The following MCM3AP variants were observed in gnomAD, a reference collection of about 807,000 sequenced individuals.
MCM3AP encodes minichromosome maintenance complex component 3 associated protein, also known as germinal-center associated nuclear protein.
A neutral mutation model predicts 184.1 loss-of-function variants in MCM3AP; 126 were observed. The observed-to-expected ratio is 0.68, with a 90% CI of 0.59 to 0.79. MCM3AP has a LOEUF of 0.79. MCM3AP is among the 30% of genes least tolerant of loss of function. The probability of loss-of-function intolerance (pLI) is 0.00; values close to 1 mark genes in which losing one functional copy is unlikely to be tolerated. For synonymous variants in MCM3AP, 1,002 were observed against 979.3 expected (o/e 1.02, Z -0.43); for missense variants, 2,496 against 2,479.2 (o/e 1.01, Z -0.14).
intron 2 of MCM3AP, among the ~76,000 whole-genome samples, chr21:46,282,722 G>A (rs930876773): frequency 2.6e-5 from 4 of 151,590 alleles, no homozygotes; most frequent in Non-Finnish European, 4.4e-5. Flanking sequence ...GGAGAATGGC[G>A]TGAACCCGGG....
Position 46,285,007 on chromosome 21 carries a change from CAAA to C in MCM3AP, c.277_279del (p.Phe93del). 2 of 1,614,164 alleles carry C rather than the reference CAAA, an allele frequency of 1.2e-6. No homozygotes were observed. On this transcript the variant is annotated inframe_deletion, in exon 1 of 28. Coordinates refer to ENST00000291688, the MANE Select transcript of MCM3AP (RefSeq NM_003906.5). ...GAACTTGAAGGCCCAGAGGTAGCCA[CAAA>C]GGTGGAAGTGTGCTCAAGTCCAGAA...
Position 46,264,171 on chromosome 21 carries a change from C to CTCT in MCM3AP, c.3278_3280dup (p.Gln1093_Arg1094insLys). ...CGCAGAGCCAACTTCCTCACAGTCC[C>CTCT]TCTGCAGGGCCTCCTGGATGAGCTC... On this transcript the variant is annotated inframe_insertion, in exon 13 of 28. Coordinates refer to ENST00000291688, the MANE Select transcript of MCM3AP (RefSeq NM_003906.5). 3 of 1,613,910 alleles carry CTCT rather than the reference C, an allele frequency of 1.9e-6. No homozygotes were observed. Among genetic ancestry groups the CTCT allele is most frequent in the Non-Finnish European group, 2.5e-6 (3 of 1,179,948 alleles).
rs1243219647 is a variant in MCM3AP at position 46,285,432 on chromosome 21, T to C, written c.-146A>G. The C allele has an allele frequency of 1.6e-6, 1 of 624,896 alleles. No individual in the cohort carries two copies. The highest frequency in any genetic ancestry group is 1.8e-5 in the African/African-American group (1 of 54,462). The allele number at this position is 624,896 out of a possible 1,614,324, so 38.7% of individuals were successfully genotyped here. A position where few individuals can be genotyped will look rare whatever the true frequency, so the allele number is the denominator to read the frequency against. ...AATTCAGATCATCATAGCTATGTTC[T>C]GCTACAAGTCTAAGAAAAGAATTTT... On this transcript the variant is annotated 5_prime_UTR_variant, in exon 1 of 28. Transcript: ENST00000291688.
chr21:46,265,460 G>A lies in MCM3AP; in HGVS notation c.3095C>T (p.Ser1032Phe), dbSNP rs1381721097. The A allele has an allele frequency of 2.5e-6, 4 of 1,613,680 alleles. No homozygotes were observed. The highest frequency in any genetic ancestry group is 2.7e-5 in the African/African-American group (2 of 74,900). The change falls in exon 12 of 28, where the codon TCT becomes TTT. Residue 1032 changes from serine to phenylalanine, a missense_variant. Ser to Phe is a radical substitution (Grantham distance 155, BLOSUM62 -2). Transcript: ENST00000291688. ...PDAPLSSLPQ[S>F]LPAPAPSPVP... ...TGGTGAGGGCGCAGGGGCTGGTAGAGACTGTGGGAGACTGGACAGGGGTGC... is the reference window on the plus strand; with the variant it reads ...TGGTGAGGGCGCAGGGGCTGGTAGAAACTGTGGGAGACTGGACAGGGGTGC...
In MCM3AP at chr21:46,284,663, G is replaced by T. The variant is rs781202659; in HGVS notation, c.624C>A (p.Thr208=). 19 of 1,614,116 alleles carry T rather than the reference G, an allele frequency of 1.2e-5. No individual in the cohort carries two copies. The highest frequency in any genetic ancestry group is 1.6e-5 in the Non-Finnish European group (19 of 1,180,008). Residue 208 remains threonine, a synonymous_variant, in exon 1 of 28, where the codon ACC becomes ACA. Coordinates refer to ENST00000291688, the MANE Select transcript of MCM3AP (RefSeq NM_003906.5). ...TATTACTACTAACAGGTTTTGAAAA[G>T]GTAAAATTTGAAGTGGTAGCTGAAC... ...TSSSATTSNF[T]FSKPVSSNNS...
chr21:46,272,683 C>G lies in MCM3AP; in HGVS notation c.2343G>C (p.Lys781Asn), dbSNP rs2081196631. The G allele has an allele frequency of 1.2e-6, 2 of 1,614,206 alleles. No homozygotes were observed. Among genetic ancestry groups the G allele is most frequent in the Non-Finnish European group, 1.7e-6 (2 of 1,180,030 alleles). The stretch of plus-strand genomic sequence containing the variant: ...ACATCTCCTTCAGGCTCTGCAGGCA[C>G]TTGGTCATGTTCTCATTATTGATCT... The part of the protein sequence containing the change: ...DAKINNENMT[K>N]CLQSLKEMYQ... The change falls in exon 8 of 28, where the codon AAG becomes AAC. Residue 781 changes from lysine (K) to asparagine (N), a missense_variant. Around this residue, in one of 5 missense-constraint regions of MCM3AP, gnomAD observed 105 missense variants for 97.1 expected, o/e 1.08. Transcript: ENST00000291688.
chr21:46,265,661 T>TA, intron 11 of MCM3AP, 138 bp from the exon 12 acceptor site: 1 of 767,304 alleles, frequency 1.3e-6, no homozygotes, highest in East Asian at 2.7e-5. Context: ...GGAGACCAGC[T>TA]ACGTGGGACA....
At chr21:46,266,223 C>T in intron 10 of MCM3AP, 57 bp from the exon 11 acceptor site, 2 of 1,537,628 alleles carry the variant, frequency 1.3e-6, no homozygotes, top group Non-Finnish European at 1.8e-6. Context: ...GACAGCTTCG[C>T]CCTCAGTGCC....
At chr21:46,260,440 AGAATT>A (rs1313161772) in intron 15 of MCM3AP, among the ~76,000 whole-genome samples, 2 of 152,176 alleles carry the variant, frequency 1.3e-5, no homozygotes, top group Admixed American at 1.3e-4. Context: ...TGCCTGGCGT[AGAATT>A]TGTAAATTAC....
chr21:46,246,766 C>G lies in MCM3AP; in HGVS notation c.4411G>C (p.Glu1471Gln). The change falls in exon 21 of 28, where the codon GAG becomes CAG. Residue 1471 changes from glutamate (E) to glutamine (Q), a missense_variant. This residue lies in a region of MCM3AP where 1,323 missense variants were observed against 1,273.4 expected (regional missense o/e 1.04). Coordinates refer to ENST00000291688, the MANE Select transcript of MCM3AP (RefSeq NM_003906.5). Reference sequence around the variant, plus strand: ...GCCGACAGCCAGTACACGTCCTCCTCTGCCATGTCCTCACTCTTCATTTTG... The same window carrying G: ...GCCGACAGCCAGTACACGTCCTCCTGTGCCATGTCCTCACTCTTCATTTTG... ...PPKMKSEDMA[E>Q]EDVYWLSALL... The G allele has an allele frequency of 1.9e-6, 3 of 1,614,266 alleles. No individual in the cohort carries two copies. The highest frequency in any genetic ancestry group is 2.5e-6 in the Non-Finnish European group (3 of 1,180,052).
chr21:46,235,720 C>T (rs1017541305), intron 27 of MCM3AP, among the ~76,000 whole-genome samples: 2 of 152,178 alleles, frequency 1.3e-5, no homozygotes, highest in Admixed American at 6.5e-5. Flanking sequence ...TTACTGCAGC[C>T]TCAAACTCCT....
intron 24 of MCM3AP, among the ~76,000 whole-genome samples, chr21:46,243,204 T>G (rs1342058526): frequency 1.3e-5 from 2 of 152,196 alleles, no homozygotes; most frequent in Admixed American, 1.3e-4. Context: ...GGGCCAGTAA[T>G]GACTACTCAA....
rs528321869 is a variant in MCM3AP at position 46,235,312 on chromosome 21, A to C, written c.5899T>G (p.Ser1967Ala). The change falls in exon 28 of 28, where the codon TCT (serine) becomes GCT (alanine). Residue 1967 changes from serine (S) to alanine (A), a missense_variant. By Grantham distance (99) the Ser-to-Ala change is moderately conservative. Around this residue, in one of 5 missense-constraint regions of MCM3AP, gnomAD observed 1,323 missense variants for 1,273.4 expected, o/e 1.04. Transcript: ENST00000291688. The part of the protein sequence containing the change: ...IRSSREEEVA[S>A]ELHLSALLDM... ...AGCAGCGCAGAGAGATGGAGCTCAG[A>C]GGCAACTTCCTCTTCCCTTGAACTC... is the stretch of plus-strand genomic sequence containing the variant. 6 of 1,614,098 alleles carry C rather than the reference A, an allele frequency of 3.7e-6. No homozygotes were observed. In the East Asian group the frequency reaches 8.9e-5, roughly 24 times the overall value.
chr21:46,285,257 C>T lies in MCM3AP; in HGVS notation c.30G>A (p.Gln10=), dbSNP rs1274989818. ...AAGACGCCGAAAAAGCACTAGGCTG[C>T]TGCCCACTGAAAGGATTAGTTGGGT... MNPTNPFSG[Q]QPSAFSASSS... The change falls in exon 1 of 28, where the codon CAG becomes CAA. Residue 10 remains glutamine, a synonymous_variant. Transcript: ENST00000291688. The T allele has an allele frequency of 6.2e-7, 1 of 1,613,918 alleles. No individual in the cohort carries two copies.
At chr21:46,283,541 C>CAA (rs79660597) in intron 2 of MCM3AP, 74 bp downstream of exon 2, 1,051 of 805,250 alleles carry the variant, frequency 1.3e-3, no homozygotes, top group African/African-American at 3.3e-3. Context: ...ACTGAGGGAC[C>CAA]AAAAAAAAAA....
chr21:46,236,948 C>G lies in MCM3AP; in HGVS notation c.5665G>C (p.Glu1889Gln). The G allele has an allele frequency of 1.3e-6, 2 of 1,559,998 alleles. No homozygotes were observed. Among genetic ancestry groups the G allele is most frequent in the Non-Finnish European group, 1.7e-6 (2 of 1,160,976 alleles). The change falls in exon 27 of 28, where the codon GAA becomes CAA. Residue 1889 changes from glutamate to glutamine, a missense_variant. This residue lies in a region of MCM3AP where 1,323 missense variants were observed against 1,273.4 expected (regional missense o/e 1.04). Transcript: ENST00000291688. ...FEDQLQQWLS[E>Q]DSGAFTDLTS... ...AAATCCGTAAATGCTCCTGAGTCTT[C>G]AGACAACCATTGCTGAAGCTGATCT...
Position 46,285,575 on chromosome 21 carries a change from C to A in MCM3AP, c.-289G>T. 5.9e-6 allele frequency: 2 copies of A among 337,506 alleles called. No individual in the cohort carries two copies. The highest frequency in any genetic ancestry group is 1.1e-5 in the Non-Finnish European group (2 of 184,922). The allele number at this position is 337,506 out of a possible 1,614,324, so 20.9% of individuals were successfully genotyped here. A position where few individuals can be genotyped will look rare whatever the true frequency, so the allele number is the denominator to read the frequency against. On this transcript the variant is annotated 5_prime_UTR_variant, in exon 1 of 28. Transcript: ENST00000291688. The stretch of plus-strand genomic sequence containing the variant: ...GGGTAGAGAGTGGTACAAATAATTA[C>A]TTTGTTACAGAGGTTTAAAGCGTGA...
intron 19 of MCM3AP, chr21:46,254,107 C>T (rs887895908): frequency 1.4e-5 from 6 of 423,078 alleles, no homozygotes; most frequent in Non-Finnish European, 2.6e-5. Context: ...CCTGTACAGC[C>T]GAGCCAATTA....
intron 26 of MCM3AP, among the ~76,000 whole-genome samples, chr21:46,238,316 G>A (rs1200635331): frequency 8.3e-6 from 1 of 120,010 alleles, no homozygotes; most frequent in Non-Finnish European, 1.8e-5. Flanking sequence ...CCAAATGAGT[G>A]GATTGCTGCT....
Sources: gnomAD v4.1 joint callset for allele counts (sites outside exome capture counted in the v4.1 genomes callset) on GRCh38, gnomAD v4.1.1 for gene constraint, gnomAD v4.1.1 regional missense constraint, MANE v1.5 for transcripts, NCBI Gene and HGNC (gene_info 2026-07-23, HGNC 2026-07-21) for gene names.